Variants in MAP3K13 observed in about 807,000 individuals in gnomAD.
MAP3K13 encodes mitogen-activated protein kinase kinase kinase 13, also known as leucine zipper-bearing kinase.
Under a neutral mutation model 104.0 loss-of-function variants are expected in MAP3K13, and 52 were observed. The ratio of observed to expected loss-of-function variants is 0.50; its 90% CI spans 0.40 to 0.63. MAP3K13 has a LOEUF of 0.63. Ranked by LOEUF, MAP3K13 falls within the 20% of genes least tolerant of loss-of-function variation. MAP3K13 has a pLI of 0.00. For missense variants in MAP3K13, 914 were observed against 1,218.5 expected (o/e 0.75, Z 3.72); for synonymous variants, 394 against 442.2 (o/e 0.89, Z 1.37).
In MAP3K13 at chr3:185,450,395, C is replaced by T. The variant is rs1032229919; in HGVS notation, c.1169+337C>T. On this transcript the variant is annotated intron_variant, in intron 6 of 13. Transcript: ENST00000265026. This position sits in a 1 kb window ranked among gnomAD's most constrained non-coding sequence, Gnocchi z 4.2. ...TAATGGACTATTATTAAATAGGTCA[C>T]TAATCCTAGATTTCCATTTCATCAT... Among the ~76,000 whole-genome samples the T allele has an allele frequency of 1.3e-5, 2 of 152,182 alleles. No homozygotes were observed. Among genetic ancestry groups the T allele is most frequent in the Admixed American group, 6.5e-5 (1 of 15,278 alleles).
At chr3:185,432,739 G>A (rs531209850) in intron 2 of MAP3K13, among the ~76,000 whole-genome samples, 2 of 152,280 alleles carry the variant, frequency 1.3e-5, no homozygotes, top group Non-Finnish European at 2.9e-5. Context: ...TTATTATTCT[G>A]TAAACTAGTA....
intron 2 of MAP3K13, among the ~76,000 whole-genome samples, chr3:185,331,488 GTA>G (rs1722279316): frequency 2.4e-5 from 3 of 127,274 alleles, no homozygotes; most frequent in Non-Finnish European, 3.4e-5. Context: ...GCCTGTGTGT[GTA>G]TGTGTGTGTG....
At chr3:185,351,848 G>A (rs1345845989) in intron 2 of MAP3K13, among the ~76,000 whole-genome samples, 1 of 152,182 alleles carries the variant, frequency 6.6e-6, no homozygotes, top group Admixed American at 6.5e-5. Context: ...AAAGCAGGCA[G>A]GTAATTCAGG....
At chr3:185,436,512 T>A (rs892659914) in intron 2 of MAP3K13, among the ~76,000 whole-genome samples, 1 of 152,210 alleles carries the variant, frequency 6.6e-6, no homozygotes, top group African/African-American at 2.4e-5. Context: ...GAGAATTTAC[T>A]TAACCACCCT....
intron 1 of MAP3K13, among the ~76,000 whole-genome samples, chr3:185,396,094 G>C (rs371799214): frequency 3.3e-5 from 5 of 152,274 alleles, no homozygotes; most frequent in Admixed American, 2.0e-4. Flanking sequence ...TATTCGGCCA[G>C]GTGCGGTGGC....
chr3:185,307,814 T>C (rs1363147456), intron 2 of MAP3K13, among the ~76,000 whole-genome samples: 1 of 152,044 alleles, frequency 6.6e-6, no homozygotes, highest in Admixed American at 6.6e-5. Flanking sequence ...AGTGCTGGGA[T>C]TACAGGCATG....
intron 2 of MAP3K13, among the ~76,000 whole-genome samples, chr3:185,298,729 A>G (rs1478255974): frequency 2.0e-5 from 3 of 152,198 alleles, no homozygotes. Context: ...ATTTTCAGTC[A>G]AAGTGGTGAA....
chr3:185,380,433 C>T (rs969924810), intron 1 of MAP3K13, among the ~76,000 whole-genome samples: 1 of 151,094 alleles, frequency 6.6e-6, no homozygotes, highest in Non-Finnish European at 1.5e-5. Flanking sequence ...ATCGCTTGAA[C>T]CCGGGAGGCA....
rs1231223277 is a variant in MAP3K13, at chr3:185,418,915, A to G, written c.-85-9582A>G. 1 of 958,340 alleles carries G rather than the reference A, an allele frequency of 1.0e-6. No individual in the cohort carries two copies. The highest frequency in any genetic ancestry group is 1.7e-5 in the African/African-American group (1 of 60,472). 59.4% of individuals were successfully genotyped at this position (958,340 alleles called of 1,614,324 possible). ...CTGCCTTTTCTAGAATCAAATGTGA[A>G]TCTCATTAGTAGAAAAGGTAAAAAC... On this transcript the variant is annotated intron_variant, in intron 1 of 13. Transcript: ENST00000265026. The surrounding 1 kb of genome is among the most constrained non-coding windows in gnomAD (Gnocchi z 4.5).
At chr3:185,451,100 A>C (rs961271585) in intron 6 of MAP3K13, among the ~76,000 whole-genome samples, 187 bp from the exon 7 acceptor site, 1 of 152,240 alleles carries the variant, frequency 6.6e-6, no homozygotes, top group Non-Finnish European at 1.5e-5. Context: ...AAAAAAAAGA[A>C]AAAAAGAAAT....
intron 2 of MAP3K13, among the ~76,000 whole-genome samples, chr3:185,318,156 A>G (rs1341205157): frequency 1.3e-5 from 2 of 152,222 alleles, no homozygotes; most frequent in African/African-American, 4.8e-5. Context: ...GGTTTATTAT[A>G]TCTCTTCTGG....
chr3:185,402,489 T>G (rs1345128718), intron 1 of MAP3K13, among the ~76,000 whole-genome samples: 2 of 152,228 alleles, frequency 1.3e-5, no homozygotes, highest in South Asian at 4.1e-4. Context: ...AATTTAAGTC[T>G]GTTTAAGAAG....
At chr3:185,435,134 G>C (rs913725212) in intron 2 of MAP3K13, among the ~76,000 whole-genome samples, 19 of 151,494 alleles carry the variant, frequency 1.3e-4, no homozygotes, top group African/African-American at 3.6e-4. Flanking sequence ...CTCCTAAGCA[G>C]CTGGGATTAC....
At position 185,412,015 on chromosome 3, in the gene MAP3K13, C is replaced by CTCA. The variant is rs150543717; in HGVS notation, c.-85-16481_-85-16479dup. ...GCCAGGCTGGTCTCGAACTCTGGAC[C>CTCA]TCAGGTCATCCTCCCACCTCGGCCT... On this transcript the variant is annotated intron_variant, in intron 1 of 13. Transcript: ENST00000265026. 6.3e-3 allele frequency among the ~76,000 whole-genome samples: 961 copies of CTCA among 152,174 alleles called. 12 individuals are homozygous for CTCA. The highest frequency in any genetic ancestry group is 0.021 in the African/African-American group (880 of 41,520).
At chr3:185,377,167 G>A (rs76506022) in intron 1 of MAP3K13, among the ~76,000 whole-genome samples, 12,097 of 152,118 alleles carry the variant, frequency 0.08, 770 homozygotes, top group East Asian at 0.19. Flanking sequence ...AGTCGTGTCC[G>A]GTTTTTGGAC....
chr3:185,332,524 A>G (rs979839976), intron 2 of MAP3K13, among the ~76,000 whole-genome samples: 1 of 152,164 alleles, frequency 6.6e-6, no homozygotes, highest in Non-Finnish European at 1.5e-5. Flanking sequence ...CTGAAATTCT[A>G]TACTCATTAA....
At chr3:185,332,224 A>G (rs562982374) in intron 2 of MAP3K13, among the ~76,000 whole-genome samples, 583 of 57,290 alleles carry the variant, frequency 0.01, 3 homozygotes, top group Non-Finnish European at 0.019. Flanking sequence ...ACCAATGTGT[A>G]CTCCCCCCCC....
chr3:185,464,422 G>A (rs1402934872), intron 8 of MAP3K13, among the ~76,000 whole-genome samples: 1 of 152,172 alleles, frequency 6.6e-6, no homozygotes, highest in Non-Finnish European at 1.5e-5. Context: ...GAGGTAACTG[G>A]ATCTTGGGGG....
intron 1 of MAP3K13, among the ~76,000 whole-genome samples, chr3:185,397,902 G>A (rs1364351436): frequency 6.6e-6 from 1 of 152,132 alleles, no homozygotes; most frequent in Non-Finnish European, 1.5e-5. Flanking sequence ...ATGCCAGTAA[G>A]ACTTTGAAAG....
Sources: allele counts gnomAD v4.1 joint callset (sites outside exome capture counted in the v4.1 genomes callset), GRCh38; gene constraint gnomAD v4.1.1; non-coding constraint Gnocchi (gnomAD v3.1); transcripts MANE v1.5; gene names NCBI Gene and HGNC (gene_info 2026-07-23, HGNC 2026-07-21).